TAOK3: variants seen among roughly 807,000 people sequenced by gnomAD.
The protein encoded by TAOK3 is serine/threonine-protein kinase TAO3.
In TAOK3, 40 loss-of-function variants were observed where a neutral mutation model predicts 120.4. The observed-to-expected ratio is 0.33, with a 90% confidence interval of 0.26 to 0.43. TAOK3 has a LOEUF of 0.43. TAOK3 is among the 20% of genes least tolerant of loss of function. TAOK3 has a pLI of 1.00. For missense variants in TAOK3, 821 were observed against 1,112.1 expected, an observed-to-expected ratio of 0.74 and a Z score of 3.72; for synonymous variants, 355 against 387.5, an observed-to-expected ratio of 0.92 and a Z score of 0.99.
intron 11 of TAOK3, among the ~76,000 whole-genome samples, chr12:118,203,007 T>G (rs1022730206): frequency 2.6e-5 from 4 of 151,976 alleles, no homozygotes; most frequent in Non-Finnish European, 4.4e-5. Context: ...CTTAAACTCC[T>G]GAGCTCAAGT....
intron 14 of TAOK3, among the ~76,000 whole-genome samples, chr12:118,188,943 T>TGTGA (rs1555216933): frequency 3.3e-5 from 5 of 151,454 alleles, no homozygotes; most frequent in Non-Finnish European, 7.4e-5. Context: ...TGTGTGTGTG[T>TGTGA]GAGTGTGAGC....
intron 9 of TAOK3, among the ~76,000 whole-genome samples, chr12:118,226,340 C>A (rs577288868): frequency 3.2e-4 from 48 of 152,186 alleles, no homozygotes; most frequent in African/African-American, 1.1e-3. Context: ...TGCGCCACTG[C>A]ACTCCAGCCT....
chr12:118,347,408 A>G (rs2044911929), intron 1 of TAOK3, among the ~76,000 whole-genome samples: 1 of 150,914 alleles, frequency 6.6e-6, no homozygotes, highest in Non-Finnish European at 1.5e-5. Flanking sequence ...CTCTCTCCCA[A>G]CTCCTCCTTT....
intron 5 of TAOK3, 144 bp downstream of exon 5, chr12:118,243,271 G>A (rs1035056648): frequency 9.0e-6 from 5 of 558,398 alleles, no homozygotes; most frequent in Non-Finnish European, 1.5e-5. Flanking sequence ...ACACACCAAA[G>A]TATTAACAAA....
intron 9 of TAOK3, among the ~76,000 whole-genome samples, chr12:118,226,531 TA>T (rs140746961): frequency 0.034 from 4,226 of 124,730 alleles, 160 homozygotes; most frequent in African/African-American, 0.1. Context: ...AGACTCCGTC[TA>T]AAAAAAAAAA....
intron 1 of TAOK3, among the ~76,000 whole-genome samples, chr12:118,313,799 A>C (rs992327683): frequency 3.3e-5 from 5 of 152,232 alleles, no homozygotes; most frequent in African/African-American, 1.2e-4. Context: ...TTCTTATGTA[A>C]AAATCAAACT....
At chr12:118,364,859 C>G (rs188041849) in intron 1 of TAOK3, among the ~76,000 whole-genome samples, 1 of 152,232 alleles carries the variant, frequency 6.6e-6, no homozygotes, top group Middle Eastern at 3.4e-3. Flanking sequence ...GAGCCAAGAT[C>G]GCACCACTGC....
intron 17 of TAOK3, among the ~76,000 whole-genome samples, chr12:118,169,316 A>AC (rs796532171): frequency 0.054 from 3,503 of 64,778 alleles, 107 homozygotes; most frequent in African/African-American, 0.12. Context: ...GCCCACCCCC[A>AC]CCCCCCCCCC....
chr12:118,364,012 G>A (rs567843431), intron 1 of TAOK3, among the ~76,000 whole-genome samples: 1 of 151,890 alleles, frequency 6.6e-6, no homozygotes, highest in Non-Finnish European at 1.5e-5. Context: ...TCCCAGTTAC[G>A]CCTATAATCC....
At chr12:118,231,417 G>A (rs1319727033) in intron 9 of TAOK3, among the ~76,000 whole-genome samples, 1 of 149,626 alleles carries the variant, frequency 6.7e-6, no homozygotes, top group Admixed American at 6.7e-5. Context: ...AAAAAATCCA[G>A]ATAAATTGTG....
intron 1 of TAOK3, among the ~76,000 whole-genome samples, chr12:118,353,253 T>C (rs567154317): frequency 9.1e-4 from 137 of 150,870 alleles, no homozygotes; most frequent in Admixed American, 3.2e-3. Flanking sequence ...ATAGTAGGAG[T>C]AGGAAAAGCA....
At chr12:118,351,607 A>T (rs1359812790) in intron 1 of TAOK3, among the ~76,000 whole-genome samples, 2 of 152,174 alleles carry the variant, frequency 1.3e-5, no homozygotes, top group Non-Finnish European at 2.9e-5. Flanking sequence ...AATACAAAGG[A>T]AAGTATATAT....
intron 11 of TAOK3, among the ~76,000 whole-genome samples, chr12:118,202,310 A>G (rs1279112255): frequency 6.6e-6 from 1 of 151,978 alleles, no homozygotes; most frequent in Non-Finnish European, 1.5e-5. Context: ...TATAGAGAAA[A>G]ATGCTGTGAT....
chr12:118,250,857 T>C (rs990856101), intron 3 of TAOK3, among the ~76,000 whole-genome samples: 1 of 152,156 alleles, frequency 6.6e-6, no homozygotes, highest in Non-Finnish European at 1.5e-5. Flanking sequence ...AGGTTTAGGC[T>C]GAGAGCTAAA....
At chr12:118,323,230 T>C (rs2043797217) in intron 1 of TAOK3, among the ~76,000 whole-genome samples, 1 of 152,264 alleles carries the variant, frequency 6.6e-6, no homozygotes, top group African/African-American at 2.4e-5. Context: ...TATTGAGATC[T>C]GGCAATGAAA....
chr12:118,257,158 CA>C (rs1304097553), intron 2 of TAOK3, among the ~76,000 whole-genome samples: 2 of 152,086 alleles, frequency 1.3e-5, no homozygotes, highest in Non-Finnish European at 2.9e-5. Context: ...GTCAGGACCG[CA>C]ATTAAAACTC....
intron 1 of TAOK3, among the ~76,000 whole-genome samples, chr12:118,269,287 G>A (rs2041598461): frequency 6.6e-6 from 1 of 151,322 alleles, no homozygotes; most frequent in Non-Finnish European, 1.5e-5. Context: ...TCAGCCTCCT[G>A]AGTAGCTGGG....
At chr12:118,152,160 A>G (rs1233550761) in intron 20 of TAOK3, 67 bp downstream of exon 20, 9 of 1,447,828 alleles carry the variant, frequency 6.2e-6, no homozygotes, top group Non-Finnish European at 6.7e-6. Flanking sequence ...GGCTGCATAT[A>G]TGGCAGTTCC....
intron 1 of TAOK3, among the ~76,000 whole-genome samples, chr12:118,302,021 A>C (rs760226198): frequency 1.3e-5 from 2 of 152,158 alleles, no homozygotes; most frequent in Non-Finnish European, 2.9e-5. Flanking sequence ...TGCCTCTTTT[A>C]GAATATTTGT....
Sources: gnomAD v4.1 joint callset for allele counts (sites outside exome capture counted in the v4.1 genomes callset) on GRCh38, gnomAD v4.1.1 for gene constraint, MANE v1.5 for transcripts, NCBI Gene and HGNC (gene_info 2026-07-23, HGNC 2026-07-21) for gene names.